FGD3: variants seen among roughly 807,000 people sequenced by gnomAD.
FGD3 encodes the protein FYVE, RhoGEF and PH domain containing 3.
Under a neutral mutation model 71.8 loss-of-function variants are expected in FGD3, and 45 were observed. That is an observed-to-expected ratio of 0.63 (90% confidence interval 0.49 to 0.80). The LOEUF (loss-of-function observed/expected upper bound fraction) is 0.80. FGD3 is among the 30% of genes least tolerant of loss of function. The pLI is 0.00. For synonymous variants in FGD3, 378 were observed against 392.8 expected (o/e 0.96, Z 0.44); for missense variants, 844 against 951.5 (o/e 0.89, Z 1.49).
intron 1 of FGD3, among the ~76,000 whole-genome samples, chr9:92,955,093 G>T (rs1051898300): frequency 2.6e-5 from 4 of 152,300 alleles, no homozygotes; most frequent in Admixed American, 2.6e-4. Flanking sequence ...GGCCCGTGAG[G>T]GTAGGGAGAG....
intron 3 of FGD3, among the ~76,000 whole-genome samples, chr9:92,990,775 G>A (rs1247091806): frequency 6.6e-6 from 1 of 152,136 alleles, no homozygotes; most frequent in African/African-American, 2.4e-5. Flanking sequence ...AATCCCACTC[G>A]ATTGTGGTTT....
intron 15 of FGD3, among the ~76,000 whole-genome samples, chr9:93,031,161 G>A (rs1364245319): frequency 6.6e-6 from 1 of 152,168 alleles, no homozygotes; most frequent in African/African-American, 2.4e-5. Flanking sequence ...AGGCAAGTGG[G>A]AAATGTGATC....
chr9:92,996,667 G>A (rs1860658229), intron 3 of FGD3, among the ~76,000 whole-genome samples: 1 of 152,146 alleles, frequency 6.6e-6, no homozygotes, highest in African/African-American at 2.4e-5. Context: ...AGAGATTCTG[G>A]TATGTTGTGT....
At chr9:92,977,806 C>T (rs1277352344) in intron 3 of FGD3, among the ~76,000 whole-genome samples, 1 of 152,100 alleles carries the variant, frequency 6.6e-6, no homozygotes. Flanking sequence ...AGTTCCCAGC[C>T]ATGATGGGAA....
intron 1 of FGD3, among the ~76,000 whole-genome samples, chr9:92,948,897 C>T (rs181956347): frequency 9.6e-4 from 146 of 152,302 alleles, no homozygotes; most frequent in African/African-American, 3.3e-3. Context: ...GTTAGCAGCT[C>T]ACACCATCTG....
chr9:92,974,072 G>A (rs1235672538), intron 1 of FGD3, among the ~76,000 whole-genome samples: 2 of 152,154 alleles, frequency 1.3e-5, no homozygotes, highest in African/African-American at 4.8e-5. Context: ...GTAGAGCCTT[G>A]CAAACTTGTT....
Position 93,031,929 on chromosome 9 carries a change from T to C in FGD3, c.1681-840T>C, listed in dbSNP as rs1415778734. On this transcript the variant is annotated intron_variant, in intron 15 of 17. Coordinates refer to ENST00000375482, the MANE Select transcript of FGD3 (RefSeq NM_001083536.2). ...GACAGGACCACCGATGGGATGCAGC[T>C]GCAGGGGCCAGAGGAGGGGGCACAA... is the stretch of plus-strand genomic sequence containing the variant. Among the ~76,000 whole-genome samples, 7 of 152,036 alleles carry C rather than the reference T, an allele frequency of 4.6e-5. No homozygotes were observed. The East Asian group carries it at 9.7e-4, about 21-fold the overall frequency.
At chr9:93,031,802 A>G (rs1862365636) in intron 15 of FGD3, among the ~76,000 whole-genome samples, 1 of 152,150 alleles carries the variant, frequency 6.6e-6, no homozygotes, top group Admixed American at 6.5e-5. Context: ...ATGGAACAGG[A>G]GAAGCAGATG....
At chr9:92,953,065 A>G (rs1858985409) in intron 1 of FGD3, among the ~76,000 whole-genome samples, 1 of 152,234 alleles carries the variant, frequency 6.6e-6, no homozygotes, top group South Asian at 2.1e-4. Flanking sequence ...CTCCCTGGGC[A>G]TATGAGTGTT....
chr9:93,009,440 G>C (rs1040765384), intron 6 of FGD3, among the ~76,000 whole-genome samples: 2 of 152,226 alleles, frequency 1.3e-5, no homozygotes, highest in Non-Finnish European at 2.9e-5. Context: ...CCAGGTGAGG[G>C]TGGTTGAGGC....
chr9:92,966,755 G>A (rs1859342390), intron 1 of FGD3, among the ~76,000 whole-genome samples: 1 of 152,338 alleles, frequency 6.6e-6, no homozygotes, highest in East Asian at 1.9e-4. Context: ...TAAGGATCCC[G>A]CCTCCCCTGG....
intron 14 of FGD3, among the ~76,000 whole-genome samples, chr9:93,023,404 G>C (rs1054502200): frequency 3.3e-5 from 5 of 152,176 alleles, no homozygotes; most frequent in Non-Finnish European, 2.9e-5. Flanking sequence ...GTGGAGGCGT[G>C]GGGGGCTTGC....
chr9:93,030,360 C>T (rs147696747), intron 15 of FGD3, among the ~76,000 whole-genome samples: 237 of 152,278 alleles, frequency 1.6e-3, no homozygotes, highest in Non-Finnish European at 3.0e-3. Flanking sequence ...CTGGAAGCTC[C>T]TACTGCTGGC....
chr9:93,032,987 A>G (rs773248569), intron 16 of FGD3, 114 bp downstream of exon 16: 4 of 1,030,766 alleles, frequency 3.9e-6, no homozygotes, highest in Non-Finnish European at 6.0e-6. Flanking sequence ...CCCTGGGACC[A>G]GGATAGATGT....
At chr9:92,982,762 C>T (rs1015825064) in intron 3 of FGD3, among the ~76,000 whole-genome samples, 1 of 152,056 alleles carries the variant, frequency 6.6e-6, no homozygotes, top group African/African-American at 2.4e-5. Context: ...CATTTAGGAG[C>T]ACCTGTTAGA....
intron 14 of FGD3, among the ~76,000 whole-genome samples, chr9:93,028,220 A>ATG (rs1862205135): frequency 7.2e-6 from 1 of 139,116 alleles, no homozygotes; most frequent in African/African-American, 2.7e-5. Flanking sequence ...ACACACACGC[A>ATG]CACACACACA....
chr9:92,972,940 T>G (rs765434006), intron 1 of FGD3, among the ~76,000 whole-genome samples: 70 of 152,270 alleles, frequency 4.6e-4, no homozygotes, highest in Non-Finnish European at 8.5e-4. Flanking sequence ...ATGTGGGCCT[T>G]CTTACATTCT....
chr9:93,012,591 C>T (rs1165662313), intron 8 of FGD3, among the ~76,000 whole-genome samples: 1 of 151,244 alleles, frequency 6.6e-6, no homozygotes, highest in East Asian at 1.9e-4. Context: ...TCAAGACCAG[C>T]ATGGCCAACA....
chr9:92,999,396 G>A (rs935725548), intron 3 of FGD3, among the ~76,000 whole-genome samples: 1 of 152,046 alleles, frequency 6.6e-6, no homozygotes, highest in South Asian at 2.1e-4. Flanking sequence ...CTAGGAAAGG[G>A]AATTCCCCAA....
Sources: gnomAD v4.1 joint callset for allele counts (sites outside exome capture counted in the v4.1 genomes callset) on GRCh38, gnomAD v4.1.1 for gene constraint, MANE v1.5 for transcripts, NCBI Gene and HGNC (gene_info 2026-07-23, HGNC 2026-07-21) for gene names.